The following TSPAN5 variants were observed in gnomAD, a reference collection of about 807,000 sequenced individuals.
The protein encoded by TSPAN5 is tetraspanin-5.
A neutral mutation model predicts 37.1 loss-of-function variants in TSPAN5; 10 were observed. The observed-to-expected ratio is 0.27, with a 90% CI of 0.17 to 0.46. The LOEUF (loss-of-function observed/expected upper bound fraction) is 0.46. TSPAN5 is among the 20% of genes least tolerant of loss of function. The pLI, the probability that TSPAN5 is intolerant of heterozygous loss-of-function variation, is 1.00. For synonymous variants in TSPAN5, 110 were observed against 118.9 expected, an observed-to-expected ratio of 0.93 and a Z score of 0.48; for missense variants, 195 against 326.6, an observed-to-expected ratio of 0.60 and a Z score of 3.11.
chr4:98,511,191 G>A (rs975842489), intron 1 of TSPAN5, among the ~76,000 whole-genome samples: 3 of 152,172 alleles, frequency 2.0e-5, no homozygotes, highest in African/African-American at 7.2e-5. Flanking sequence ...ACAAATGTTT[G>A]TCAACCCAAA....
At chr4:98,602,574 C>T (rs1755906518) in intron 1 of TSPAN5, among the ~76,000 whole-genome samples, 1 of 152,210 alleles carries the variant, frequency 6.6e-6, no homozygotes, top group African/African-American at 2.4e-5. Context: ...TCATATCAAC[C>T]CTACTCTAAA....
chr4:98,615,071 C>A (rs549906505), intron 1 of TSPAN5, among the ~76,000 whole-genome samples: 1 of 152,220 alleles, frequency 6.6e-6, no homozygotes, highest in Non-Finnish European at 1.5e-5. Context: ...GAGTCACCAA[C>A]CCCCCAGTGC....
At chr4:98,486,959 T>G in intron 2 of TSPAN5, 75 bp from the exon 3 acceptor site, 1 of 1,506,998 alleles carries the variant, frequency 6.6e-7, no homozygotes, top group Non-Finnish European at 9.0e-7. Flanking sequence ...GATTATTGCA[T>G]TTGTCCTTTC....
chr4:98,604,965 A>G (rs564006394), intron 1 of TSPAN5, among the ~76,000 whole-genome samples: 1 of 152,340 alleles, frequency 6.6e-6, no homozygotes, highest in African/African-American at 2.4e-5. Context: ...AACTGCTACC[A>G]GGCACTGTGA....
rs1419524988 is a variant in TSPAN5 at position 98,655,515 on chromosome 4, T to G, written c.81+2631A>C. Among the ~76,000 whole-genome samples the G allele has an allele frequency of 2.0e-5, 3 of 152,254 alleles. No homozygotes were observed. In the South Asian group the frequency reaches 6.2e-4, roughly 31 times the overall value. On this transcript the variant is annotated intron_variant, in intron 1 of 7. Transcript: ENST00000305798. ...AGCTCTCAGTGCTGGTGCCACCATA[T>G]GTTCAATTTTATTTTACCAGAACTA...
chr4:98,600,717 G>T (rs532546322), intron 1 of TSPAN5, among the ~76,000 whole-genome samples: 13 of 152,176 alleles, frequency 8.5e-5, no homozygotes, highest in Admixed American at 2.6e-4. Flanking sequence ...ACATCCATGA[G>T]GGTTGGAATC....
chr4:98,579,462 T>C (rs1455848612), intron 1 of TSPAN5, among the ~76,000 whole-genome samples: 1 of 152,204 alleles, frequency 6.6e-6, no homozygotes, highest in Non-Finnish European at 1.5e-5. Flanking sequence ...GAAGGATTCA[T>C]GGTTCTGTTT....
chr4:98,638,405 GA>G (rs1180802467), intron 1 of TSPAN5, among the ~76,000 whole-genome samples: 20 of 152,258 alleles, frequency 1.3e-4, no homozygotes, highest in African/African-American at 3.9e-4. Flanking sequence ...CACCCACCAT[GA>G]CCCTTTGAAC....
chr4:98,657,905 C>T (rs1390381489), intron 1 of TSPAN5, among the ~76,000 whole-genome samples: 1 of 152,144 alleles, frequency 6.6e-6, no homozygotes, highest in Non-Finnish European at 1.5e-5. Flanking sequence ...AAAAAGCCAC[C>T]AGAAGGCCTC....
At chr4:98,636,935 T>G (rs1450055145) in intron 1 of TSPAN5, among the ~76,000 whole-genome samples, 1 of 151,890 alleles carries the variant, frequency 6.6e-6, no homozygotes, top group Non-Finnish European at 1.5e-5. Flanking sequence ...AGCTGGAGAG[T>G]GGACCCTGGT....
rs1752590398 is a variant in TSPAN5 at position 98,471,841 on chromosome 4, A to G, written c.*681T>C. On this transcript the variant is annotated 3_prime_UTR_variant, in exon 8 of 8. Coordinates refer to ENST00000305798, the MANE Select transcript of TSPAN5 (RefSeq NM_005723.4). ...TAGAAAAACGATCAGTCCTGCTAAAATACAGCCTCATGACGTCTTCCAATG... is the reference window on the plus strand; with the variant it reads ...TAGAAAAACGATCAGTCCTGCTAAAGTACAGCCTCATGACGTCTTCCAATG... 6.6e-6 allele frequency: 1 copy of G among 152,238 alleles called. No individual in the cohort carries two copies. 9.4% of individuals were successfully genotyped at this position (152,238 alleles called of 1,614,324 possible). A position where few individuals can be genotyped will look rare whatever the true frequency, so the allele number is the denominator to read the frequency against.
At chr4:98,627,699 T>G (rs1756640313) in intron 1 of TSPAN5, among the ~76,000 whole-genome samples, 1 of 152,156 alleles carries the variant, frequency 6.6e-6, no homozygotes, top group Non-Finnish European at 1.5e-5. Context: ...GTGTATAAAC[T>G]CTGTAGTAAA....
At position 98,649,517 on chromosome 4, in the gene TSPAN5, G is replaced by A. The variant is rs147663808; in HGVS notation, c.81+8629C>T. ...AAAGTCAATCCAAGCCAAAGTGTTCGTTGGCTGCCAGGGAAAGCAAGTGCA... is the reference window on the plus strand; with the variant it reads ...AAAGTCAATCCAAGCCAAAGTGTTCATTGGCTGCCAGGGAAAGCAAGTGCA... On this transcript the variant is annotated intron_variant, in intron 1 of 7. Transcript: ENST00000305798. 3.2e-4 allele frequency among the ~76,000 whole-genome samples: 48 copies of A among 152,314 alleles called. No individual in the cohort carries two copies. In the East Asian group the frequency reaches 9.1e-3, roughly 29 times the overall value.
chr4:98,496,221 C>T (rs574696894), intron 2 of TSPAN5: 2 of 152,336 alleles, frequency 1.3e-5, no homozygotes, highest in African/African-American at 4.8e-5. Context: ...GACCACAGGG[C>T]CACAGAGGAA....
intron 1 of TSPAN5, among the ~76,000 whole-genome samples, chr4:98,539,022 T>C (rs889326582): frequency 3.3e-5 from 5 of 152,104 alleles, no homozygotes; most frequent in Admixed American, 6.5e-5. Flanking sequence ...CTCTGTTATC[T>C]GTAACAGTTG....
chr4:98,496,366 T>C (rs1753213752), intron 2 of TSPAN5: 1 of 152,160 alleles, frequency 6.6e-6, no homozygotes, highest in Non-Finnish European at 1.5e-5. Flanking sequence ...CCCTGAACAG[T>C]CCAGGGAGAT....
intron 1 of TSPAN5, among the ~76,000 whole-genome samples, chr4:98,550,873 C>T (rs1416841353): frequency 6.6e-6 from 1 of 152,082 alleles, no homozygotes; most frequent in East Asian, 1.9e-4. Context: ...TTTTATTATT[C>T]TCTCTTGCCT....
intron 1 of TSPAN5, among the ~76,000 whole-genome samples, chr4:98,519,170 G>A: frequency 6.6e-6 from 1 of 152,114 alleles, no homozygotes; most frequent in African/African-American, 2.4e-5. Context: ...CTCAGTGGCA[G>A]GAAGCAGCAG....
intron 1 of TSPAN5, among the ~76,000 whole-genome samples, chr4:98,651,605 T>C (rs775571636): frequency 2.0e-5 from 3 of 152,202 alleles, no homozygotes; most frequent in Non-Finnish European, 2.9e-5. Context: ...TTCTCTATAC[T>C]ACTTGCAATT....
Sources: allele counts gnomAD v4.1 joint callset (sites outside exome capture counted in the v4.1 genomes callset), GRCh38; gene constraint gnomAD v4.1.1; transcripts MANE v1.5; gene names NCBI Gene and HGNC (gene_info 2026-07-23, HGNC 2026-07-21).